The following SH2D1A variants were observed in gnomAD, a reference collection of about 807,000 sequenced individuals.
SH2D1A encodes SH2 domain-containing protein 1A.
A neutral mutation model predicts 10.1 loss-of-function variants in SH2D1A; 6 were observed. The observed-to-expected ratio is 0.60, with a 90% CI of 0.33 to 1.18. The LOEUF (loss-of-function observed/expected upper bound fraction) is 1.18. Ranked by LOEUF, SH2D1A falls within the 50% of genes most tolerant of loss-of-function variation. The pLI is 0.04. For missense variants in SH2D1A, 51 were observed against 97.6 expected (o/e 0.52, Z 2.01); for synonymous variants, 42 against 36.9 (o/e 1.14, Z -0.51).
chrX:124,358,843 G>T (rs2060032500), intron 1 of SH2D1A, among the ~76,000 whole-genome samples: 1 of 111,768 alleles, frequency 8.9e-6, no homozygotes, highest in Admixed American at 9.5e-5. Flanking sequence ...TGATTTAACA[G>T]GTCTGGGTGG....
rs1165371634 is a variant in SH2D1A at position 124,372,330 on chromosome X, T to A, written c.*939T>A. 5.9e-6 allele frequency: 1 copy of A among 168,802 alleles called. No homozygotes were observed. Among genetic ancestry groups the A allele is most frequent in the Non-Finnish European group, 1.1e-5 (1 of 88,153 alleles). 13.9% of individuals were successfully genotyped at this position (168,802 alleles called of 1,213,427 possible). ...GCATTTTCTTCTCACATTTATATTT[T>A]TGTGATTTTGTGATTGATTATATGT... is the stretch of plus-strand genomic sequence containing the variant. On this transcript the variant is annotated 3_prime_UTR_variant, in exon 4 of 4. Coordinates refer to ENST00000371139, the MANE Select transcript of SH2D1A (RefSeq NM_002351.5).
Position 124,370,193 on chromosome X carries a change from T to A in SH2D1A, c.219T>A (p.His73Gln), listed in dbSNP as rs954824608. The A allele has an allele frequency of 1.0e-5, 12 of 1,203,065 alleles. No homozygotes were observed. Among genetic ancestry groups the A allele is most frequent in the Admixed American group, 2.2e-5 (1 of 45,730 alleles). The change falls in exon 3 of 4, where the codon CAT (histidine) becomes CAA (glutamine). Residue 73 changes from histidine to glutamine, a missense_variant. His to Gln is a conservative substitution (Grantham distance 24, BLOSUM62 0). Coordinates refer to ENST00000371139, the MANE Select transcript of SH2D1A (RefSeq NM_002351.5). The stretch of plus-strand genomic sequence containing the variant: ...TTTTCCAGACAGCACCTGGGGTACA[T>A]AAAAGATATTTCCGGAAAATAAAAA... ...SWSAETAPGVHKRYFRKIKNL... is the reference protein window; with the variant it reads ...SWSAETAPGVQKRYFRKIKNL...
chrX:124,353,398 A>G (rs1474699595), intron 1 of SH2D1A, among the ~76,000 whole-genome samples: 1 of 110,761 alleles, frequency 9.0e-6, no homozygotes, highest in East Asian at 2.8e-4. Context: ...TTTCCACTAT[A>G]TTTTCTGTTT....
chrX:124,366,173 C>T (rs2060053990), intron 2 of SH2D1A, among the ~76,000 whole-genome samples: 1 of 110,574 alleles, frequency 9.0e-6, no homozygotes, highest in South Asian at 3.9e-4. Context: ...GTATTGGTAT[C>T]GTGGGAGATT....
chrX:124,360,810 A>T lies in SH2D1A; in HGVS notation c.138-4951A>T, dbSNP rs1395384139. Among the ~76,000 whole-genome samples the T allele has an allele frequency of 4.5e-5, 5 of 110,813 alleles. No individual in the cohort carries two copies. The Admixed American group carries it at 4.8e-4, about 11-fold the overall frequency. On this transcript the variant is annotated intron_variant, in intron 1 of 3. Transcript: ENST00000371139. ...TTACTGTTTTATGAGGTAAAATTTTATTAGGCAAATTAAGTAGGATTACTA... is the reference window on the plus strand; with the variant it reads ...TTACTGTTTTATGAGGTAAAATTTTTTTAGGCAAATTAAGTAGGATTACTA...
At chrX:124,357,858 C>T (rs764169112) in intron 1 of SH2D1A, among the ~76,000 whole-genome samples, 9 of 108,541 alleles carry the variant, frequency 8.3e-5, no homozygotes, top group East Asian at 2.9e-4. Flanking sequence ...CTCGGTCTGT[C>T]GCCCAGGCTG....
rs976940432 is a variant in SH2D1A, at chrX:124,365,963, A to G, written c.201+139A>G. On this transcript the variant is annotated intron_variant, in intron 2 of 3. Coordinates refer to ENST00000371139, the MANE Select transcript of SH2D1A (RefSeq NM_002351.5). ...CTAAAGCTCCAATCCAAAATTGTTC[A>G]TGGATCATTAAGAAAGCTTTAGAGA... The G allele has an allele frequency of 4.9e-5, 23 of 465,677 alleles. No homozygotes were observed. The African/African-American group carries it at 5.1e-4, about 10-fold the overall frequency. 38.4% of individuals were successfully genotyped at this position (465,677 alleles called of 1,213,427 possible).
intron 1 of SH2D1A, among the ~76,000 whole-genome samples, chrX:124,351,086 AATATATATTT>A (rs1284316400): frequency 1.1e-4 from 10 of 92,569 alleles, no homozygotes; most frequent in African/African-American, 1.6e-4. Flanking sequence ...TATTATTATA[AATATATATTT>A]ATATATATTT....
intron 1 of SH2D1A, among the ~76,000 whole-genome samples, chrX:124,358,925 G>C (rs1213874555): frequency 9.0e-6 from 1 of 111,724 alleles, no homozygotes; most frequent in Non-Finnish European, 1.9e-5. Flanking sequence ...TGCAATTTGA[G>C]TTGCACTGTT....
In SH2D1A at chrX:124,346,634, C is replaced by CA; in HGVS notation, c.-8dup. On this transcript the variant is annotated 5_prime_UTR_variant, in exon 1 of 4. Coordinates refer to ENST00000371139, the MANE Select transcript of SH2D1A (RefSeq NM_002351.5). ...CTCCTCCTCGGCCTGCCCAAGAGTCCACCAGGCCATGGACGCAGTGGCTGT... is the reference window on the plus strand; with the variant it reads ...CTCCTCCTCGGCCTGCCCAAGAGTCCAACCAGGCCATGGACGCAGTGGCTGT... The CA allele has an allele frequency of 8.3e-7, 1 of 1,211,392 alleles. No individual in the cohort carries two copies.
Position 124,372,863 on chromosome X carries a change from T to C in SH2D1A, c.*1472T>C, listed in dbSNP as rs1339604315. 2 of 158,595 alleles carry C rather than the reference T, an allele frequency of 1.3e-5. No homozygotes were observed. Among genetic ancestry groups the C allele is most frequent in the South Asian group, 3.3e-4 (1 of 3,041 alleles). The allele number at this position is 158,595 out of a possible 1,213,427, so 13.1% of individuals were successfully genotyped here. A position where few individuals can be genotyped will look rare whatever the true frequency, so the allele number is the denominator to read the frequency against. ...GGAGTGTGGCCTGAGTAATGCATTA[T>C]GGGTGGTTTACCATTTCTTGAGGTA... On this transcript the variant is annotated 3_prime_UTR_variant, in exon 4 of 4. Transcript: ENST00000371139.
chrX:124,365,391 C>T (rs1257509651), intron 1 of SH2D1A, among the ~76,000 whole-genome samples: 4 of 109,928 alleles, frequency 3.6e-5, no homozygotes, highest in Admixed American at 9.7e-5. Flanking sequence ...CCTTAAGTTT[C>T]GATATGTACT....
intron 1 of SH2D1A, among the ~76,000 whole-genome samples, chrX:124,350,428 A>G (rs1378688545): frequency 3.1e-5 from 1 of 31,960 alleles, no homozygotes; most frequent in Non-Finnish European, 4.9e-5. Flanking sequence ...TATATATTAT[A>G]TACTATATAT....
intron 1 of SH2D1A, among the ~76,000 whole-genome samples, chrX:124,362,837 G>A (rs183863664): frequency 9.3e-4 from 103 of 110,760 alleles, no homozygotes; most frequent in African/African-American, 3.2e-3. Context: ...GGTTAAATGA[G>A]TTAAATCATA....
At chrX:124,352,659 T>G (rs1361227682) in intron 1 of SH2D1A, among the ~76,000 whole-genome samples, 2 of 112,139 alleles carry the variant, frequency 1.8e-5, no homozygotes, top group Admixed American at 9.5e-5. Flanking sequence ...TAGCACATTT[T>G]CTTTATCCAT....
chrX:124,365,670 A>G (rs1322321150), intron 1 of SH2D1A, 91 bp from the exon 2 acceptor site: 11 of 614,026 alleles, frequency 1.8e-5, no homozygotes, highest in Non-Finnish European at 3.1e-5. Flanking sequence ...GTCCTAGTAT[A>G]TGTGACATTT....
At chrX:124,358,888 G>A (rs2060032635) in intron 1 of SH2D1A, among the ~76,000 whole-genome samples, 1 of 111,947 alleles carries the variant, frequency 8.9e-6, no homozygotes, top group African/African-American at 3.2e-5. Context: ...AAGCTCCCAG[G>A]TGATGTTGAT....
chrX:124,351,058 A>C (rs1323623011), intron 1 of SH2D1A, among the ~76,000 whole-genome samples: 4 of 90,968 alleles, frequency 4.4e-5, no homozygotes, highest in Non-Finnish European at 8.4e-5. Flanking sequence ...TATTATTATA[A>C]ATATATATTT....
chrX:124,350,313 ATATATAATAT>A (rs1302430759), intron 1 of SH2D1A, among the ~76,000 whole-genome samples: 1 of 29,936 alleles, frequency 3.3e-5, no homozygotes, highest in Non-Finnish European at 5.1e-5. Flanking sequence ...AATATATATT[ATATATAATAT>A]TATATAATAT....
Sources: allele counts gnomAD v4.1 joint callset (sites outside exome capture counted in the v4.1 genomes callset), GRCh38; gene constraint gnomAD v4.1.1; transcripts MANE v1.5; gene names NCBI Gene and HGNC (gene_info 2026-07-23, HGNC 2026-07-21).